TBX20: variants seen among roughly 807,000 people sequenced by gnomAD.
The protein encoded by TBX20 is T-box transcription factor 20.
A neutral mutation model predicts 42.9 loss-of-function variants in TBX20; 8 were observed. The observed-to-expected ratio is 0.19, with a 90% confidence interval of 0.11 to 0.34. The LOEUF is 0.34. TBX20 is among the 10% of genes least tolerant of loss of function. TBX20 has a pLI of 1.00. For missense variants in TBX20, 411 were observed against 566.0 expected, an observed-to-expected ratio of 0.73 and a Z score of 2.78; for synonymous variants, 198 against 222.8, an observed-to-expected ratio of 0.89 and a Z score of 0.99.
intron 6 of TBX20, among the ~76,000 whole-genome samples, chr7:35,224,439 G>A (rs1173878528): frequency 3.3e-5 from 5 of 152,230 alleles, no homozygotes; most frequent in South Asian, 2.1e-4. Context: ...TTGGGAGGCC[G>A]AGGCAGGCGG....
intron 6 of TBX20, among the ~76,000 whole-genome samples, chr7:35,229,583 T>C (rs1219445231): frequency 6.6e-6 from 1 of 152,202 alleles, no homozygotes; most frequent in Non-Finnish European, 1.5e-5. Context: ...CACATCAGGA[T>C]GCTTATCCAA....
At chr7:35,206,431 C>A (rs1037589309) in intron 6 of TBX20, among the ~76,000 whole-genome samples, 4 of 152,112 alleles carry the variant, frequency 2.6e-5, no homozygotes, top group African/African-American at 9.7e-5. Flanking sequence ...ACCTATAAAC[C>A]CAGCTACTCA....
intron 6 of TBX20, among the ~76,000 whole-genome samples, chr7:35,225,353 C>A (rs3864451): frequency 1.3e-5 from 2 of 151,856 alleles, no homozygotes; most frequent in Non-Finnish European, 2.9e-5. Context: ...CATAATAACC[C>A]AAATTATTAT....
At chr7:35,219,880 A>G (rs955053064) in intron 6 of TBX20, among the ~76,000 whole-genome samples, 15 of 152,222 alleles carry the variant, frequency 9.9e-5, no homozygotes, top group African/African-American at 3.1e-4. Flanking sequence ...AAAAAGGGCC[A>G]AATCCCACTG....
intron 5 of TBX20, among the ~76,000 whole-genome samples, chr7:35,235,072 C>T (rs1362258190): frequency 6.6e-6 from 1 of 152,004 alleles, no homozygotes; most frequent in Non-Finnish European, 1.5e-5. Context: ...CAATTATGAA[C>T]TAAGTGAAAC....
At chr7:35,208,851 T>G (rs1241698898) in intron 6 of TBX20, among the ~76,000 whole-genome samples, 1 of 151,458 alleles carries the variant, frequency 6.6e-6, no homozygotes, top group Non-Finnish European at 1.5e-5. Context: ...AGATATAATA[T>G]TCATTCTAGG....
rs562721537 is a variant in TBX20 at position 35,228,543 on chromosome 7, G to GA, written c.890+2960dup. On this transcript the variant is annotated intron_variant, in intron 6 of 7. Transcript: ENST00000408931. ...TGCACACAAACTCTTTTAGTAAAAA[G>GA]AAAAAAAATTAATAAAAGAAACTTA... 3.3e-3 allele frequency among the ~76,000 whole-genome samples: 504 copies of GA among 151,622 alleles called. 1 individual carries two copies. Among genetic ancestry groups the GA allele is most frequent in the African/African-American group, 0.011 (467 of 41,374 alleles).
chr7:35,246,651 G>C (rs1037334834), intron 3 of TBX20, among the ~76,000 whole-genome samples: 1 of 151,996 alleles, frequency 6.6e-6, no homozygotes, highest in African/African-American at 2.4e-5. Flanking sequence ...TATTTCTTCC[G>C]ATTAGGAATG....
At chr7:35,219,924 T>G (rs1253793064) in intron 6 of TBX20, among the ~76,000 whole-genome samples, 1 of 152,248 alleles carries the variant, frequency 6.6e-6, no homozygotes, top group Non-Finnish European at 1.5e-5. Context: ...TTTGAAAGTT[T>G]TATTCAGTGC....
intron 5 of TBX20, among the ~76,000 whole-genome samples, chr7:35,237,322 C>A (rs1268720381): frequency 6.6e-6 from 1 of 151,174 alleles, no homozygotes; most frequent in Non-Finnish European, 1.5e-5. Flanking sequence ...TAGCTGGATC[C>A]TAGTTCAGAG....
intron 3 of TBX20, among the ~76,000 whole-genome samples, chr7:35,245,693 T>C (rs1468247483): frequency 6.6e-6 from 1 of 152,226 alleles, no homozygotes; most frequent in Non-Finnish European, 1.5e-5. Flanking sequence ...GTTTATGTGC[T>C]CACTAAATGA....
At chr7:35,213,039 G>A (rs1562557928) in intron 6 of TBX20, among the ~76,000 whole-genome samples, 1 of 152,114 alleles carries the variant, frequency 6.6e-6, no homozygotes, top group African/African-American at 2.4e-5. Flanking sequence ...GGCTCTGCCT[G>A]TATTCTCCCC....
chr7:35,221,309 AAC>A (rs1371295380), intron 6 of TBX20, among the ~76,000 whole-genome samples: 9 of 151,408 alleles, frequency 5.9e-5, no homozygotes, highest in African/African-American at 2.2e-4. Flanking sequence ...AAAAAAAAAA[AAC>A]AAATATCAAA....
chr7:35,204,929 T>G (rs1450704955), intron 6 of TBX20, among the ~76,000 whole-genome samples: 3 of 152,202 alleles, frequency 2.0e-5, no homozygotes, highest in Non-Finnish European at 4.4e-5. Flanking sequence ...ATGAATTTAC[T>G]GCAAGGAGCT....
chr7:35,219,690 A>G (rs1042229072), intron 6 of TBX20, among the ~76,000 whole-genome samples: 13 of 152,270 alleles, frequency 8.5e-5, no homozygotes, highest in African/African-American at 2.9e-4. Context: ...AATTATTATG[A>G]AAGATCCAGG....
chr7:35,235,585 G>A (rs991742741), intron 5 of TBX20, among the ~76,000 whole-genome samples: 3 of 152,242 alleles, frequency 2.0e-5, no homozygotes, highest in Admixed American at 6.5e-5. Flanking sequence ...AGCAAGGTTA[G>A]TAGTATGTGC....
chr7:35,210,167 T>G (rs1331626828), intron 6 of TBX20, among the ~76,000 whole-genome samples: 1 of 149,112 alleles, frequency 6.7e-6, no homozygotes, highest in Admixed American at 6.8e-5. Flanking sequence ...CAGGCTGGAG[T>G]GCAGTGGCGC....
intron 6 of TBX20, among the ~76,000 whole-genome samples, chr7:35,228,626 A>G (rs1272023084): frequency 6.6e-6 from 1 of 152,154 alleles, no homozygotes; most frequent in Non-Finnish European, 1.5e-5. Context: ...CAGAAGGAAC[A>G]CTGTGCCTTT....
intron 6 of TBX20, among the ~76,000 whole-genome samples, chr7:35,228,890 A>G (rs1789821351): frequency 6.6e-6 from 1 of 152,210 alleles, no homozygotes; most frequent in African/African-American, 2.4e-5. Flanking sequence ...TTCTTTTAGA[A>G]ATGAGGAAGA....
Sources: allele counts gnomAD v4.1 joint callset (sites outside exome capture counted in the v4.1 genomes callset), GRCh38; gene constraint gnomAD v4.1.1; transcripts MANE v1.5; gene names NCBI Gene and HGNC (gene_info 2026-07-23, HGNC 2026-07-21).